Variants in PTPRU observed in about 807,000 individuals in gnomAD.
PTPRU encodes the protein protein tyrosine phosphatase receptor type U.
PTPRU carries 69 observed loss-of-function variants against 166.3 expected under a neutral mutation model. That is an observed-to-expected ratio of 0.41 (90% CI 0.34 to 0.51). The LOEUF (loss-of-function observed/expected upper bound fraction) is 0.51. PTPRU is among the 20% of genes least tolerant of loss of function. The pLI is 0.09. For missense variants in PTPRU, 1,657 were observed against 2,013.7 expected, an observed-to-expected ratio of 0.82 and a Z score of 3.39; for synonymous variants, 793 against 814.0, an observed-to-expected ratio of 0.97 and a Z score of 0.44.
In PTPRU at chr1:29,325,227, C is replaced by T. The variant is rs139467328; in HGVS notation, c.4149C>T (p.Cys1383=). ...GGGRSGTFCA[C]ATVLEMIRCH... ...GACGCAGCGGCACCTTCTGCGCCTG[C>T]GCCACGGTCCTGGAGATGATCCGCT... Residue 1383 remains cysteine (C), a synonymous_variant, in exon 29 of 30, where the codon TGC becomes TGT. Transcript: ENST00000373779. 3.1e-3 allele frequency: 4,946 copies of T among 1,614,232 alleles called. 9 individuals are homozygous for T. The highest frequency in any genetic ancestry group is 3.9e-3 in the Non-Finnish European group (4,644 of 1,180,042).
chr1:29,322,893 G>A (rs1688222950), intron 26 of PTPRU, among the ~76,000 whole-genome samples: 1 of 152,010 alleles, frequency 6.6e-6, no homozygotes, highest in Non-Finnish European at 1.5e-5. Context: ...TCCATGGAGG[G>A]GTCCTGGGGC....
Position 29,260,715 on chromosome 1 carries a change from G to T in PTPRU, c.956G>T (p.Arg319Leu), listed in dbSNP as rs1241477456. 6.2e-7 allele frequency: 1 copy of T among 1,601,922 alleles called. No homozygotes were observed. Among genetic ancestry groups the T allele is most frequent in the East Asian group, 2.3e-5 (1 of 44,120 alleles). The change falls in exon 7 of 30, where the codon CGC becomes CTC. Residue 319 changes from arginine (R) to leucine (L), a missense_variant. Arg to Leu is a moderately radical substitution (Grantham distance 102). Transcript: ENST00000373779. This position sits in a 1 kb window ranked among gnomAD's most constrained non-coding sequence, Gnocchi z 8.3. ...ATCATTGGCGACGGGCCGATCGTGC[G>T]CAAGGAGATTGAGTACCGCATGGCG... is the stretch of plus-strand genomic sequence containing the variant. ...NSIIGDGPIV[R>L]KEIEYRMARG...
intron 7 of PTPRU, among the ~76,000 whole-genome samples, chr1:29,262,228 TTTG>T (rs888861589): frequency 6.6e-6 from 1 of 152,224 alleles, no homozygotes; most frequent in Non-Finnish European, 1.5e-5. Flanking sequence ...TTTCTAAAAT[TTTG>T]TTGTTTCAAA....
At chr1:29,239,632 G>A (rs906957756) in intron 1 of PTPRU, among the ~76,000 whole-genome samples, 6 of 152,080 alleles carry the variant, frequency 3.9e-5, no homozygotes, top group Non-Finnish European at 7.4e-5. Flanking sequence ...ATATGGGGTG[G>A]CCTTTCCATG....
Position 29,257,507 on chromosome 1 carries a change from C to T in PTPRU, c.206-998C>T, listed in dbSNP as rs544757181. ...GGGTGCCCTTTGGGAAGCCCAAATCCCCCCGCCAGGTCCTGAGCCAGCCTA... is the reference window on the plus strand; with the variant it reads ...GGGTGCCCTTTGGGAAGCCCAAATCTCCCCGCCAGGTCCTGAGCCAGCCTA... On this transcript the variant is annotated intron_variant, in intron 2 of 29. Coordinates refer to ENST00000373779, the MANE Select transcript of PTPRU (RefSeq NM_133178.4). This position sits in a 1 kb window ranked among gnomAD's most constrained non-coding sequence, Gnocchi z 4.6. 3.7e-4 allele frequency among the ~76,000 whole-genome samples: 56 copies of T among 152,150 alleles called. No homozygotes were observed. Among genetic ancestry groups the T allele is most frequent in the Non-Finnish European group, 6.5e-4 (44 of 68,034 alleles).
intron 11 of PTPRU, among the ~76,000 whole-genome samples, chr1:29,281,060 G>T (rs975676118): frequency 6.6e-6 from 1 of 152,046 alleles, no homozygotes; most frequent in African/African-American, 2.4e-5. Flanking sequence ...TGCCCTTCTG[G>T]TCCACCCCTT....
chr1:29,304,095 C>G (rs1396699621), intron 16 of PTPRU, 50 bp downstream of exon 16: 6 of 1,560,370 alleles, frequency 3.8e-6, no homozygotes, highest in Non-Finnish European at 5.2e-6. Context: ...CCTCACCTGG[C>G]TCTTACTCTC....
At chr1:29,246,702 G>A (rs1295515200) in intron 1 of PTPRU, among the ~76,000 whole-genome samples, 1 of 151,732 alleles carries the variant, frequency 6.6e-6, no homozygotes, top group Non-Finnish European at 1.5e-5. Flanking sequence ...TGCCACCTCC[G>A]CCCCCTGGGT....
intron 1 of PTPRU, among the ~76,000 whole-genome samples, chr1:29,241,253 A>G (rs1684041950): frequency 6.6e-6 from 1 of 152,082 alleles, no homozygotes. Context: ...GTGTCTCGCT[A>G]TCTAGGTGTG....
At chr1:29,278,986 T>A in intron 8 of PTPRU, 26 bp from the exon 9 acceptor site, 1 of 1,548,008 alleles carries the variant, frequency 6.5e-7, no homozygotes, top group Non-Finnish European at 8.8e-7. Context: ...CACTTTCCCC[T>A]GGCCCCTGCT....
intron 1 of PTPRU, among the ~76,000 whole-genome samples, chr1:29,245,961 T>C (rs1374158401): frequency 6.6e-6 from 1 of 152,278 alleles, no homozygotes; most frequent in Non-Finnish European, 1.5e-5. Flanking sequence ...ATTGCAGCAC[T>C]GCACCGTGCC....
At chr1:29,308,434 G>A (rs1165010530) in intron 18 of PTPRU, among the ~76,000 whole-genome samples, 1 of 151,634 alleles carries the variant, frequency 6.6e-6, no homozygotes, top group Non-Finnish European at 1.5e-5. Flanking sequence ...GGGCGTGGTG[G>A]CTCATGCCTG....
rs942952496 is a variant in PTPRU, at chr1:29,257,608, C to T, written c.206-897C>T. Among the ~76,000 whole-genome samples, 3 of 152,198 alleles carry T rather than the reference C, an allele frequency of 2.0e-5. No homozygotes were observed. Among genetic ancestry groups the T allele is most frequent in the Admixed American group, 1.3e-4 (2 of 15,282 alleles). ...GGCTGCCTTTCTCCAGGTTGGAAGT[C>T]AAGGGGATTTGTATTCCAGGAATTT... is the stretch of plus-strand genomic sequence containing the variant. On this transcript the variant is annotated intron_variant, in intron 2 of 29. Coordinates refer to ENST00000373779, the MANE Select transcript of PTPRU (RefSeq NM_133178.4). The surrounding 1 kb of genome is among the most constrained non-coding windows in gnomAD (Gnocchi z 4.6).
intron 7 of PTPRU, among the ~76,000 whole-genome samples, chr1:29,268,606 C>T (rs1685406918): frequency 6.6e-6 from 1 of 152,226 alleles, no homozygotes; most frequent in South Asian, 2.1e-4. Flanking sequence ...ACCTTGGAGC[C>T]TCCAGTGTTT....
At chr1:29,299,438 C>T (rs183914987) in intron 15 of PTPRU, among the ~76,000 whole-genome samples, 3 of 152,244 alleles carry the variant, frequency 2.0e-5, no homozygotes, top group African/African-American at 7.2e-5. Context: ...GGGACCTGTC[C>T]TCTCTGGGCC....
At position 29,280,518 on chromosome 1, in the gene PTPRU, G is replaced by A. The variant is rs1168363989; in HGVS notation, c.1868+377G>A. ...ATGGGCTTTCTAGAAGGCTGGGGCA[G>A]CCAGCCAGATAGGGCCATCTCTCTG... is the stretch of plus-strand genomic sequence containing the variant. On this transcript the variant is annotated intron_variant, in intron 11 of 29. Coordinates refer to ENST00000373779, the MANE Select transcript of PTPRU (RefSeq NM_133178.4). This position sits in a 1 kb window ranked among gnomAD's most constrained non-coding sequence, Gnocchi z 4.2. Among the ~76,000 whole-genome samples, 1 of 152,212 alleles carries A rather than the reference G, an allele frequency of 6.6e-6. No individual in the cohort carries two copies. The highest frequency in any genetic ancestry group is 6.5e-5 in the Admixed American group (1 of 15,286).
intron 25 of PTPRU, among the ~76,000 whole-genome samples, chr1:29,318,370 C>G (rs182880432): frequency 5.1e-4 from 77 of 152,310 alleles, no homozygotes; most frequent in Admixed American, 7.8e-4. Flanking sequence ...CATGGGCCCT[C>G]TGAGGGCTCA....
chr1:29,293,477 TG>T (rs1311845369), intron 15 of PTPRU, among the ~76,000 whole-genome samples: 2 of 136,236 alleles, frequency 1.5e-5, no homozygotes, highest in Admixed American at 7.3e-5. Flanking sequence ...GGTAGTTTTT[TG>T]TTTTTTTTTT....
At chr1:29,266,496 A>C (rs1423522795) in intron 7 of PTPRU, among the ~76,000 whole-genome samples, 2 of 152,196 alleles carry the variant, frequency 1.3e-5, no homozygotes, top group Non-Finnish European at 2.9e-5. Context: ...TGGTAGGTCT[A>C]AAATCTGGTT....
Sources: gnomAD v4.1 joint callset for allele counts (sites outside exome capture counted in the v4.1 genomes callset) on GRCh38, gnomAD v4.1.1 for gene constraint, Gnocchi (gnomAD v3.1) non-coding constraint, MANE v1.5 for transcripts, NCBI Gene and HGNC (gene_info 2026-07-23, HGNC 2026-07-21) for gene names.